MME: variants seen among roughly 807,000 people sequenced by gnomAD.
MME encodes the protein neprilysin.
MME carries 98 observed loss-of-function variants against 113.2 expected under a neutral mutation model. The observed-to-expected ratio is 0.87, with a 90% confidence interval of 0.74 to 1.02. The LOEUF is 1.02. Ranked by LOEUF, MME falls within the 50% of genes least tolerant of loss-of-function variation. The probability of loss-of-function intolerance (pLI) is 0.00; values close to 1 mark genes in which losing one functional copy is unlikely to be tolerated. For missense variants in MME, 836 were observed against 896.0 expected, an observed-to-expected ratio of 0.93 and a Z score of 0.86; for synonymous variants, 292 against 300.6, an observed-to-expected ratio of 0.97 and a Z score of 0.30.
intron 1 of MME, among the ~76,000 whole-genome samples, chr3:155,024,592 T>C (rs947633043): frequency 1.3e-5 from 2 of 152,178 alleles, no homozygotes; most frequent in Non-Finnish European, 2.9e-5. Context: ...CATTCAACCT[T>C]AACTTTATAT....
chr3:155,040,627 G>A (rs974256609), intron 1 of MME, among the ~76,000 whole-genome samples: 2 of 151,940 alleles, frequency 1.3e-5, no homozygotes, highest in African/African-American at 4.8e-5. Flanking sequence ...GGACAGTACA[G>A]TAGATGTAAT....
At position 155,183,614 on chromosome 3, in the gene MME, A is replaced by G. The variant is rs1188515991; in HGVS notation, c.*3155A>G. On this transcript the variant is annotated 3_prime_UTR_variant, in exon 23 of 23. Coordinates refer to ENST00000360490, the MANE Select transcript of MME (RefSeq NM_007289.4). ...AGACATTTGTTATTTTGGAAAGAAG[A>G]AAGACTCTATTCTCAAAGTTTCCTA... 1.3e-5 allele frequency: 2 copies of G among 152,190 alleles called. No individual in the cohort carries two copies. Among genetic ancestry groups the G allele is most frequent in the African/African-American group, 2.4e-5 (1 of 41,438 alleles). 9.4% of individuals were successfully genotyped at this position (152,190 alleles called of 1,614,324 possible).
At chr3:155,042,900 T>TTTTATATATA (rs1325776737) in intron 1 of MME, among the ~76,000 whole-genome samples, 2 of 62,956 alleles carry the variant, frequency 3.2e-5, no homozygotes, top group East Asian at 1.4e-3. Flanking sequence ...ATAGTAGGTT[T>TTTTATATATA]TATATATATA....
At chr3:155,136,182 G>T (rs1195616538) in intron 8 of MME, among the ~76,000 whole-genome samples, 3 of 152,110 alleles carry the variant, frequency 2.0e-5, no homozygotes, top group Non-Finnish European at 4.4e-5. Flanking sequence ...GTACTGTGCT[G>T]AATAGGAGTG....
intron 1 of MME, among the ~76,000 whole-genome samples, chr3:155,057,690 A>ATTT (rs11398419): frequency 0.043 from 5,817 of 134,840 alleles, 138 homozygotes; most frequent in Non-Finnish European, 0.05. Context: ...TCTGGCATTC[A>ATTT]TTTTTTTTTT....
At chr3:155,118,854 C>CTGGT in intron 8 of MME, 43 bp downstream of exon 8, 1 of 1,223,022 alleles carries the variant, frequency 8.2e-7, no homozygotes, top group Non-Finnish European at 1.2e-6. Context: ...ACAAAATGAT[C>CTGGT]TGGTGTAAAC....
At chr3:155,091,527 G>T (rs190076211) in intron 3 of MME, among the ~76,000 whole-genome samples, 1 of 152,182 alleles carries the variant, frequency 6.6e-6, no homozygotes, top group Admixed American at 6.5e-5. Context: ...ATGTAGAGGG[G>T]GTGGATACAA....
At chr3:155,051,978 C>A (rs76193092) in intron 1 of MME, among the ~76,000 whole-genome samples, 8,028 of 152,252 alleles carry the variant, frequency 0.053, 621 homozygotes, top group African/African-American at 0.17. Context: ...TACACCTGTT[C>A]CAAATAAGAT....
chr3:155,103,464 G>C (rs1015270907), intron 3 of MME, among the ~76,000 whole-genome samples: 1 of 152,190 alleles, frequency 6.6e-6, no homozygotes, highest in African/African-American at 2.4e-5. Context: ...TTCTTTGCTA[G>C]CAATAAAGTC....
At chr3:155,101,169 C>T (rs1443769859) in intron 3 of MME, among the ~76,000 whole-genome samples, 1 of 152,112 alleles carries the variant, frequency 6.6e-6, no homozygotes, top group Non-Finnish European at 1.5e-5. Context: ...TCCCTGAGGC[C>T]TCCCAAAAAG....
chr3:155,030,576 T>A (rs1009096320), intron 1 of MME, among the ~76,000 whole-genome samples: 1 of 152,228 alleles, frequency 6.6e-6, no homozygotes, highest in African/African-American at 2.4e-5. Flanking sequence ...ATCCAGCTTT[T>A]TTTTTTCTAG....
At chr3:155,160,058 G>A (rs1245966954) in intron 16 of MME, among the ~76,000 whole-genome samples, 4 of 151,938 alleles carry the variant, frequency 2.6e-5, no homozygotes, top group Non-Finnish European at 5.9e-5. Flanking sequence ...CTAGTATCAG[G>A]AACATAAAGC....
At position 155,137,578 on chromosome 3, in the gene MME, C is replaced by T. The variant is rs527949238; in HGVS notation, c.721-524C>T. Reference sequence around the variant, plus strand: ...AAAATTAGCTGGGTGTGGTGGTGGGCGCCTGTACTCCCAGCTACTTGGGAG... The same window carrying T: ...AAAATTAGCTGGGTGTGGTGGTGGGTGCCTGTACTCCCAGCTACTTGGGAG... On this transcript the variant is annotated intron_variant, in intron 8 of 22. Transcript: ENST00000360490. Among the ~76,000 whole-genome samples the T allele has an allele frequency of 4.6e-5, 7 of 151,952 alleles. No individual in the cohort carries two copies. In the East Asian group the frequency reaches 5.8e-4, roughly 13 times the overall value.
intron 17 of MME, among the ~76,000 whole-genome samples, chr3:155,162,188 C>G (rs564790016): frequency 1.8e-4 from 28 of 152,186 alleles, no homozygotes; most frequent in Non-Finnish European, 3.4e-4. Context: ...TAGGACCACT[C>G]TGGCATGTTC....
chr3:155,029,306 T>C lies in MME; in HGVS notation c.-11+4982T>C, dbSNP rs1026834869. ...CAACTTTGACCATATAAGAGTTTCATAAACCTTTTATAACTTCTTAAAAAA... is the reference window on the plus strand; with the variant it reads ...CAACTTTGACCATATAAGAGTTTCACAAACCTTTTATAACTTCTTAAAAAA... On this transcript the variant is annotated intron_variant, in intron 1 of 22. Coordinates refer to the MME transcript ENST00000492661. 2.6e-5 allele frequency among the ~76,000 whole-genome samples: 4 copies of C among 152,238 alleles called. 1 individual carries two copies. The South Asian group carries it at 8.3e-4, about 32-fold the overall frequency.
At chr3:155,129,602 C>T (rs1005938360) in intron 8 of MME, among the ~76,000 whole-genome samples, 6 of 152,082 alleles carry the variant, frequency 3.9e-5, no homozygotes, top group Admixed American at 1.3e-4. Flanking sequence ...CCACATTCAC[C>T]GTGTCTGCTC....
chr3:155,105,015 T>C (rs1421307588), intron 3 of MME, among the ~76,000 whole-genome samples: 1 of 152,186 alleles, frequency 6.6e-6, no homozygotes. Flanking sequence ...TTATTATTAT[T>C]ATTATTAATA....
At chr3:155,100,032 A>G (rs1413181587) in intron 3 of MME, among the ~76,000 whole-genome samples, 1 of 152,234 alleles carries the variant, frequency 6.6e-6, no homozygotes, top group African/African-American at 2.4e-5. Context: ...AATGGCCACA[A>G]AAGCCAAAAT....
At chr3:155,030,068 A>C (rs912081469) in intron 1 of MME, among the ~76,000 whole-genome samples, 2 of 152,210 alleles carry the variant, frequency 1.3e-5, no homozygotes, top group African/African-American at 2.4e-5. Flanking sequence ...CATGACTTTT[A>C]GGTGAACATT....
Sources: gnomAD v4.1 joint callset for allele counts (sites outside exome capture counted in the v4.1 genomes callset) on GRCh38, gnomAD v4.1.1 for gene constraint, MANE v1.5 for transcripts, NCBI Gene and HGNC (gene_info 2026-07-23, HGNC 2026-07-21) for gene names.